The following KCNIP4 variants were observed in gnomAD, a reference collection of about 807,000 sequenced individuals.
The protein encoded by KCNIP4 is potassium voltage-gated channel interacting protein 4, also known as Kv channel-interacting protein 4.
Under a neutral mutation model 34.0 loss-of-function variants are expected in KCNIP4, and 12 were observed. The observed-to-expected ratio is 0.35, with a 90% CI of 0.23 to 0.57. KCNIP4 has a LOEUF of 0.57. KCNIP4 is among the 20% of genes least tolerant of loss of function. The pLI is 0.83. For synonymous variants in KCNIP4, 124 were observed against 102.2 expected (o/e 1.21, Z -1.29); for missense variants, 238 against 311.7 (o/e 0.76, Z 1.78).
intron 1 of KCNIP4, among the ~76,000 whole-genome samples, chr4:21,661,487 C>T (rs1748448868): frequency 6.6e-6 from 1 of 152,158 alleles, no homozygotes; most frequent in South Asian, 2.1e-4. Flanking sequence ...TTGTGTGCTC[C>T]CACTCCCATA....
chr4:20,772,775 G>C (rs1478493975), intron 3 of KCNIP4, among the ~76,000 whole-genome samples: 1 of 151,766 alleles, frequency 6.6e-6, no homozygotes, highest in African/African-American at 2.4e-5. Context: ...CTGAATAGCT[G>C]GGATTACAGG....
At chr4:21,707,545 G>C (rs75209581) in intron 1 of KCNIP4, among the ~76,000 whole-genome samples, 2,662 of 152,104 alleles carry the variant, frequency 0.018, 77 homozygotes, top group African/African-American at 0.053. Context: ...CCAGGTAGAG[G>C]TAAGGCTCCA....
At chr4:20,745,595 T>C (rs1752249351) in intron 5 of KCNIP4, among the ~76,000 whole-genome samples, 1 of 152,184 alleles carries the variant, frequency 6.6e-6, no homozygotes, top group African/African-American at 2.4e-5. Context: ...GTTATATCTG[T>C]TCCCTAAAGT....
At chr4:21,504,508 G>GAAAGAAAGAAAGAAAGA (rs1392434479) in intron 1 of KCNIP4, among the ~76,000 whole-genome samples, 114 of 121,682 alleles carry the variant, frequency 9.4e-4, no homozygotes, top group African/African-American at 3.3e-3. Context: ...AGAAAGAAAG[G>GAAAGAAAGAAAGAAAGA]AAGGAAGGAA....
At chr4:20,941,899 G>A (rs1177434000) in intron 1 of KCNIP4, among the ~76,000 whole-genome samples, 1 of 151,966 alleles carries the variant, frequency 6.6e-6, no homozygotes, top group African/African-American at 2.4e-5. Flanking sequence ...TTTTGCTTTG[G>A]GCAGACCTGA....
At chr4:21,094,219 T>C (rs1747269099) in intron 1 of KCNIP4, among the ~76,000 whole-genome samples, 1 of 152,180 alleles carries the variant, frequency 6.6e-6, no homozygotes, top group South Asian at 2.1e-4. Flanking sequence ...ACTAAATATT[T>C]ATGAACTTTT....
At chr4:21,860,353 C>T (rs951538082) in intron 1 of KCNIP4, among the ~76,000 whole-genome samples, 1 of 152,042 alleles carries the variant, frequency 6.6e-6, no homozygotes. Context: ...AGGCTGGTCT[C>T]GAACTCCTGA....
chr4:21,906,167 G>T (rs1313235456), intron 1 of KCNIP4, among the ~76,000 whole-genome samples: 1 of 152,128 alleles, frequency 6.6e-6, no homozygotes, highest in African/African-American at 2.4e-5. Flanking sequence ...ACCTAGTTGT[G>T]GTAATGTGAT....
At chr4:21,789,652 C>T (rs1720147337) in intron 1 of KCNIP4, among the ~76,000 whole-genome samples, 1 of 152,150 alleles carries the variant, frequency 6.6e-6, no homozygotes, top group Admixed American at 6.5e-5. Context: ...GTTAGCTCAT[C>T]GTCAAGACAT....
chr4:21,861,952 C>T (rs1290360710), intron 1 of KCNIP4, among the ~76,000 whole-genome samples: 1 of 152,182 alleles, frequency 6.6e-6, no homozygotes, highest in African/African-American at 2.4e-5. Context: ...CTTTTCCTCT[C>T]ACTGCCTCCC....
intron 1 of KCNIP4, among the ~76,000 whole-genome samples, chr4:21,799,246 T>C (rs1200243789): frequency 6.6e-6 from 1 of 152,184 alleles, no homozygotes; most frequent in African/African-American, 2.4e-5. Flanking sequence ...ATTTTCTCTC[T>C]TTTACAGATG....
intron 1 of KCNIP4, among the ~76,000 whole-genome samples, chr4:21,339,808 A>G (rs951771082): frequency 2.6e-5 from 4 of 152,196 alleles, no homozygotes; most frequent in South Asian, 2.1e-4. Context: ...TGACATCCCA[A>G]TAGAATATCT....
chr4:20,732,418 G>T lies in KCNIP4; in HGVS notation c.642+263C>A, dbSNP rs151111040. Among the ~76,000 whole-genome samples, 354 of 152,282 alleles carry T rather than the reference G, an allele frequency of 2.3e-3. 8 individuals are homozygous for T. The South Asian group carries it at 0.046, about 20-fold the overall frequency. ...ATTAATGAGGATTTATAGGATTCTT[G>T]TAAAAACTGAATGAAAACAAAACTT... On this transcript the variant is annotated intron_variant, in intron 7 of 8. Transcript: ENST00000382152.
At chr4:21,801,737 T>C (rs1475199093) in intron 1 of KCNIP4, among the ~76,000 whole-genome samples, 4 of 152,046 alleles carry the variant, frequency 2.6e-5, no homozygotes, top group African/African-American at 9.7e-5. Context: ...GCCTCCCAAG[T>C]AGCTGGGACT....
intron 1 of KCNIP4, among the ~76,000 whole-genome samples, chr4:21,425,957 G>A (rs1371113866): frequency 2.6e-5 from 4 of 152,138 alleles, no homozygotes; most frequent in African/African-American, 9.7e-5. Context: ...GAGAGGCTGA[G>A]GTGGGAGGAT....
chr4:21,136,685 C>A (rs1177867932), intron 1 of KCNIP4, among the ~76,000 whole-genome samples: 1 of 152,072 alleles, frequency 6.6e-6, no homozygotes, highest in Non-Finnish European at 1.5e-5. Context: ...AGTCCTCCTC[C>A]AGTCCAAGCA....
At chr4:21,441,583 A>C (rs1001213442) in intron 1 of KCNIP4, among the ~76,000 whole-genome samples, 1 of 152,120 alleles carries the variant, frequency 6.6e-6, no homozygotes, top group African/African-American at 2.4e-5. Flanking sequence ...GGCAAATTAT[A>C]TTACCCTTAT....
intron 1 of KCNIP4, among the ~76,000 whole-genome samples, chr4:21,192,906 C>G: frequency 7.1e-6 from 1 of 139,894 alleles, no homozygotes. Flanking sequence ...CCAGCCCTGC[C>G]GCCCCGTCTC....
intron 1 of KCNIP4, among the ~76,000 whole-genome samples, chr4:21,223,701 C>T (rs886762017): frequency 2.6e-5 from 4 of 152,126 alleles, no homozygotes; most frequent in Non-Finnish European, 4.4e-5. Context: ...GTCAGTTACT[C>T]CTTTCTAATT....
Sources: gnomAD v4.1 joint callset for allele counts (sites outside exome capture counted in the v4.1 genomes callset) on GRCh38, gnomAD v4.1.1 for gene constraint, MANE v1.5 for transcripts, NCBI Gene and HGNC (gene_info 2026-07-23, HGNC 2026-07-21) for gene names.